The following FGL1 variants were observed in gnomAD, a reference collection of about 807,000 sequenced individuals.
FGL1 encodes the protein fibrinogen like 1, also known as fibrinogen-like protein 1.
FGL1 carries 59 observed loss-of-function variants against 43.7 expected under a neutral mutation model. The observed-to-expected ratio is 1.35, with a 90% CI of 1.10 to 1.68. FGL1 has a LOEUF of 1.68. Ranked by LOEUF, FGL1 falls within the 40% of genes most tolerant of loss-of-function variation. FGL1 has a pLI of 0.00. For missense variants in FGL1, 596 were observed against 373.0 expected, an observed-to-expected ratio of 1.60 and a Z score of -4.92; for synonymous variants, 192 against 126.5, an observed-to-expected ratio of 1.52 and a Z score of -3.48.
chr8:17,864,452 G>T lies in FGL1; in HGVS notation c.*140C>A. The T allele has an allele frequency of 1.2e-6, 1 of 850,502 alleles. No homozygotes were observed. 52.7% of individuals were successfully genotyped at this position (850,502 alleles called of 1,614,324 possible). A position where few individuals can be genotyped will look rare whatever the true frequency, so the allele number is the denominator to read the frequency against. On this transcript the variant is annotated 3_prime_UTR_variant, in exon 8 of 8. Transcript: ENST00000427924. Reference sequence around the variant, plus strand: ...ATCTGCTGTACTGAAAGCACATTAAGTAACAAAGGCAAGTGAGAAGAATGA... The same window carrying T: ...ATCTGCTGTACTGAAAGCACATTAATTAACAAAGGCAAGTGAGAAGAATGA...
intron 3 of FGL1, among the ~76,000 whole-genome samples, chr8:17,880,455 C>G (rs2053518695): frequency 6.6e-6 from 1 of 152,202 alleles, no homozygotes; most frequent in African/African-American, 2.4e-5. Context: ...ATTGGCAACT[C>G]TTTGACCTCT....
Position 17,882,190 on chromosome 8 carries a change from G to C in FGL1, c.64-11C>G. 1.2e-6 allele frequency: 2 copies of C among 1,610,564 alleles called. No homozygotes were observed. The highest frequency in any genetic ancestry group is 8.5e-7 in the Non-Finnish European group (1 of 1,178,744). On this transcript the variant is annotated splice_polypyrimidine_tract_variant and intron_variant, in intron 2 of 7. Transcript: ENST00000427924. ...ACAGTCCTCGAGCGCCTGCAAAACA[G>C]GTGAGATGAGATGAGTATGCACCTC...
intron 3 of FGL1, among the ~76,000 whole-genome samples, chr8:17,878,127 T>C (rs963371050): frequency 6.6e-6 from 1 of 152,076 alleles, no homozygotes; most frequent in South Asian, 2.1e-4. Context: ...TGGCAATTTT[T>C]TTTTTATAGT....
chr8:17,886,391 C>T (rs765503782), intron 1 of FGL1, among the ~76,000 whole-genome samples: 1 of 152,188 alleles, frequency 6.6e-6, no homozygotes. Context: ...TTAAAAGATG[C>T]GAACTGACAA....
At chr8:17,870,629 ACT>A (rs1341356501) in intron 5 of FGL1, among the ~76,000 whole-genome samples, 6 of 152,260 alleles carry the variant, frequency 3.9e-5, no homozygotes, top group African/African-American at 1.2e-4. Flanking sequence ...CTTTGGATCC[ACT>A]TGTGGACATC....
chr8:17,893,599 A>G (rs2053736782), intron 1 of FGL1, among the ~76,000 whole-genome samples: 2 of 148,080 alleles, frequency 1.4e-5, no homozygotes, highest in South Asian at 4.2e-4. Flanking sequence ...CTAGTCTGGT[A>G]GCATATAAAC....
At chr8:17,866,261 C>T (rs909673268) in intron 7 of FGL1, among the ~76,000 whole-genome samples, 1 of 152,086 alleles carries the variant, frequency 6.6e-6, no homozygotes, top group Non-Finnish European at 1.5e-5. Context: ...TTGGGTCTTC[C>T]TTGGTGAAGA....
rs1223439913 is a variant in FGL1, at chr8:17,875,556, T to C, written c.245-1035A>G. 8.2e-3 allele frequency among the ~76,000 whole-genome samples: 284 copies of C among 34,506 alleles called. 12 individuals carry two copies. The highest frequency in any genetic ancestry group is 0.025 in the African/African-American group (247 of 9,914). The allele number at this position is 34,506 out of a possible 152,430, so 22.6% of individuals were successfully genotyped here. A position where few individuals can be genotyped will look rare whatever the true frequency, so the allele number is the denominator to read the frequency against. ...CTTTCTCTTTCTTTCTTTCTTTCTT[T>C]CTTTCTTTCTTTCTTTCTTTCTTTC... On this transcript the variant is annotated intron_variant, in intron 3 of 7. Coordinates refer to ENST00000427924, the MANE Select transcript of FGL1 (RefSeq NM_004467.4).
intron 5 of FGL1, among the ~76,000 whole-genome samples, chr8:17,871,886 T>G (rs1418357379): frequency 1.3e-5 from 2 of 152,186 alleles, no homozygotes; most frequent in Non-Finnish European, 2.9e-5. Context: ...TGGGAAAATA[T>G]GTACATCATA....
chr8:17,891,746 C>G, intron 1 of FGL1: 2 of 983,420 alleles, frequency 2.0e-6, no homozygotes, highest in Non-Finnish European at 2.4e-6. Flanking sequence ...TATGGGAGAT[C>G]AAATTCTTTT....
intron 5 of FGL1, among the ~76,000 whole-genome samples, chr8:17,871,978 A>T (rs1441950676): frequency 6.6e-6 from 1 of 152,212 alleles, no homozygotes; most frequent in Non-Finnish European, 1.5e-5. Flanking sequence ...CATAGTTTCA[A>T]TAAGAAACCA....
chr8:17,874,493 A>T lies in FGL1; in HGVS notation c.273T>A (p.Tyr91Ter), dbSNP rs773110889. The change falls in exon 4 of 8, where the codon TAT becomes TAA. Residue 91 changes from tyrosine to a stop codon, truncating the protein, a stop_gained. Coordinates refer to ENST00000427924, the MANE Select transcript of FGL1 (RefSeq NM_004467.4). LOFTEE classifies it high-confidence loss of function. ...ADCSEIFNDG[Y>*]KLSGFYKIKP... ...TGATTTTGTAAAATCCACTGAGCTT[A>T]TACCCATCATTGAAAATCTCTGAAC... 4.3e-6 allele frequency: 7 copies of T among 1,609,626 alleles called. No individual in the cohort carries two copies. Among genetic ancestry groups the T allele is most frequent in the Non-Finnish European group, 5.9e-6 (7 of 1,178,312 alleles).
chr8:17,871,964 T>G (rs961691187), intron 5 of FGL1, among the ~76,000 whole-genome samples: 1 of 152,168 alleles, frequency 6.6e-6, no homozygotes, highest in East Asian at 1.9e-4. Flanking sequence ...TGCTCTGGGG[T>G]TTTCATAGTT....
intron 1 of FGL1, chr8:17,885,916 G>A (rs1297344388): frequency 5.6e-6 from 1 of 177,136 alleles, no homozygotes. Context: ...AAATCTGCAC[G>A]CTGGTCTCTG....
chr8:17,877,281 C>T (rs2258157), intron 3 of FGL1, among the ~76,000 whole-genome samples: 18,884 of 151,938 alleles, frequency 0.12, 1,786 homozygotes, highest in African/African-American at 0.25. Context: ...TAATACTAGA[C>T]AGAGGCCAAG....
Position 17,885,546 on chromosome 8 carries a change from C to T in FGL1, c.9G>A (p.Lys3=), listed in dbSNP as rs376327490. Residue 3 remains lysine, a synonymous_variant, in exon 2 of 8, where the codon AAG becomes AAA. Transcript: ENST00000427924. The part of the protein sequence containing the change: MA[K]VFSFILVTTA... ...TGGTAACAAGGATGAAACTGAACACCTTTGCCATGTTCCCCCTTGAAAAAA... is the reference window on the plus strand; with the variant it reads ...TGGTAACAAGGATGAAACTGAACACTTTTGCCATGTTCCCCCTTGAAAAAA... 8.3e-5 allele frequency: 134 copies of T among 1,613,518 alleles called. No individual in the cohort carries two copies. The highest frequency in any genetic ancestry group is 1.1e-4 in the Non-Finnish European group (126 of 1,179,786).
intron 1 of FGL1, 196 bp downstream of exon 1, chr8:17,895,251 T>C: frequency 2.1e-6 from 2 of 949,768 alleles, no homozygotes; most frequent in Non-Finnish European, 2.6e-6. Context: ...TATATTTGTA[T>C]ATCTGTATAT....
chr8:17,879,634 C>T (rs554464124), intron 3 of FGL1, among the ~76,000 whole-genome samples: 234 of 152,246 alleles, frequency 1.5e-3, no homozygotes, highest in Admixed American at 2.4e-3. Flanking sequence ...TTCTGCTTTG[C>T]CGTCTGCCAT....
At chr8:17,873,951 G>C (rs963915746) in intron 5 of FGL1, 68 bp downstream of exon 5, 1 of 1,158,170 alleles carries the variant, frequency 8.6e-7, no homozygotes, top group African/African-American at 1.7e-5. Flanking sequence ...CCTATAATTT[G>C]GTTAAAAAAA....
Sources: gnomAD v4.1 joint callset for allele counts (sites outside exome capture counted in the v4.1 genomes callset) on GRCh38, gnomAD v4.1.1 for gene constraint, MANE v1.5 for transcripts, NCBI Gene and HGNC (gene_info 2026-07-23, HGNC 2026-07-21) for gene names.